FAXC: variants seen among roughly 807,000 people sequenced by gnomAD.
FAXC encodes failed axon connections homolog.
Under a neutral mutation model 41.9 loss-of-function variants are expected in FAXC, and 10 were observed. The ratio of observed to expected loss-of-function variants is 0.24; its 90% CI spans 0.15 to 0.41. The LOEUF (loss-of-function observed/expected upper bound fraction) is 0.41. Ranked by LOEUF, FAXC falls within the 10% of genes least tolerant of loss-of-function variation. FAXC has a pLI of 1.00. For synonymous variants in FAXC, 183 were observed against 183.8 expected, an observed-to-expected ratio of 1.00 and a Z score of 0.03; for missense variants, 399 against 510.9, an observed-to-expected ratio of 0.78 and a Z score of 2.11.
intron 5 of FAXC, among the ~76,000 whole-genome samples, chr6:99,286,709 A>G (rs939388293): frequency 1.3e-5 from 2 of 152,158 alleles, no homozygotes; most frequent in Admixed American, 6.5e-5. Context: ...AGCTCTCCAC[A>G]TCTGTTTTAA....
chr6:99,289,798 C>T (rs1771164024), intron 5 of FAXC, among the ~76,000 whole-genome samples: 2 of 151,654 alleles, frequency 1.3e-5, no homozygotes, highest in South Asian at 2.1e-4. Context: ...TTACCTTAAA[C>T]GTGCTCAGAA....
intron 4 of FAXC, among the ~76,000 whole-genome samples, chr6:99,307,478 C>CCATGACTGAGCTCAGT (rs1771971857): frequency 1.3e-5 from 2 of 152,066 alleles, no homozygotes; most frequent in African/African-American, 4.8e-5. Context: ...AGAGTGGCTT[C>CCATGACTGAGCTCAGT]CATGACTGAG....
intron 2 of FAXC, among the ~76,000 whole-genome samples, chr6:99,335,682 TC>T: frequency 6.6e-6 from 1 of 152,350 alleles, no homozygotes; most frequent in East Asian, 1.9e-4. Context: ...TCGCCATTGT[TC>T]CATCTGTGAT....
chr6:99,323,195 C>A (rs1305801646), intron 4 of FAXC, among the ~76,000 whole-genome samples: 1 of 152,192 alleles, frequency 6.6e-6, no homozygotes, highest in Non-Finnish European at 1.5e-5. Flanking sequence ...GGTGGTGAGG[C>A]TGAAGCATGT....
At chr6:99,334,340 T>G (rs1256125434) in intron 2 of FAXC, among the ~76,000 whole-genome samples, 1 of 152,220 alleles carries the variant, frequency 6.6e-6, no homozygotes, top group Non-Finnish European at 1.5e-5. Context: ...TTAGTCATAT[T>G]GCCTTTGTGC....
At chr6:99,305,644 A>C (rs2128454724) in intron 4 of FAXC, among the ~76,000 whole-genome samples, 1 of 151,272 alleles carries the variant, frequency 6.6e-6, no homozygotes, top group Admixed American at 6.6e-5. Flanking sequence ...ATATTGCTAT[A>C]TCACCATAGG....
intron 4 of FAXC, among the ~76,000 whole-genome samples, chr6:99,308,611 A>C (rs1471690171): frequency 7.3e-6 from 1 of 136,132 alleles, no homozygotes; most frequent in Non-Finnish European, 1.6e-5. Context: ...TCTATAATTC[A>C]AAAAAAAAAA....
At chr6:99,286,795 T>C (rs1313437069) in intron 5 of FAXC, among the ~76,000 whole-genome samples, 5 of 152,232 alleles carry the variant, frequency 3.3e-5, no homozygotes. Flanking sequence ...ACATTAGGAA[T>C]GTTGCTAATA....
intron 1 of FAXC, among the ~76,000 whole-genome samples, chr6:99,344,225 C>G (rs1189589388): frequency 6.6e-6 from 1 of 152,162 alleles, no homozygotes; most frequent in African/African-American, 2.4e-5. Context: ...TTATCCCCAT[C>G]CAAAGAGATA....
At chr6:99,294,977 G>A (rs1359066384) in intron 4 of FAXC, among the ~76,000 whole-genome samples, 1 of 152,218 alleles carries the variant, frequency 6.6e-6, no homozygotes, top group Non-Finnish European at 1.5e-5. Flanking sequence ...CTGACTTCTG[G>A]CCGATGCTCT....
intron 4 of FAXC, among the ~76,000 whole-genome samples, chr6:99,309,151 G>C (rs1030104583): frequency 6.6e-6 from 1 of 152,130 alleles, no homozygotes; most frequent in Admixed American, 6.5e-5. Flanking sequence ...ACACATAAGG[G>C]ATGTGTACTC....
intron 4 of FAXC, among the ~76,000 whole-genome samples, chr6:99,317,222 T>C (rs943107099): frequency 2.6e-5 from 4 of 152,148 alleles, no homozygotes; most frequent in African/African-American, 9.7e-5. Context: ...ACCACTTCGC[T>C]CTTTCAGAAG....
chr6:99,336,734 T>A (rs2128463741), intron 2 of FAXC, among the ~76,000 whole-genome samples: 1 of 152,252 alleles, frequency 6.6e-6, no homozygotes, highest in South Asian at 2.1e-4. Context: ...GACCTCAGTG[T>A]CCTCATCTGT....
At position 99,349,088 on chromosome 6, in the gene FAXC, G is replaced by A; in HGVS notation, c.266+19C>T. 6.2e-7 allele frequency: 1 copy of A among 1,611,776 alleles called. No individual in the cohort carries two copies. Among genetic ancestry groups the A allele is most frequent in the Non-Finnish European group, 8.5e-7 (1 of 1,179,198 alleles). ...TGCCCCTCTCTGCGCCCCTGTGCGG[G>A]GCCCTCTCTCCGGCTCACCTAATGA... On this transcript the variant is annotated intron_variant, in intron 1 of 5. Transcript: ENST00000389677.
At chr6:99,303,954 T>G (rs555764048) in intron 4 of FAXC, among the ~76,000 whole-genome samples, 2 of 152,182 alleles carry the variant, frequency 1.3e-5, no homozygotes, top group Non-Finnish European at 2.9e-5. Context: ...CCTGAGCTTT[T>G]ATTAAGAAAG....
chr6:99,316,166 C>A (rs966805802), intron 4 of FAXC, among the ~76,000 whole-genome samples: 2 of 134,998 alleles, frequency 1.5e-5, no homozygotes, highest in Admixed American at 7.2e-5. Context: ...CGCCCCCCCC[C>A]ACCCACAAGG....
At position 99,276,852 on chromosome 6, in the gene FAXC, T is replaced by C. The variant is rs941598345; in HGVS notation, c.*4312A>G. The C allele has an allele frequency of 2.6e-5, 4 of 152,186 alleles. No individual in the cohort carries two copies. The highest frequency in any genetic ancestry group is 5.9e-5 in the Non-Finnish European group (4 of 68,030). The allele number at this position is 152,186 out of a possible 1,614,324, so 9.4% of individuals were successfully genotyped here. A position where few individuals can be genotyped will look rare whatever the true frequency, so the allele number is the denominator to read the frequency against. On this transcript the variant is annotated 3_prime_UTR_variant, in exon 6 of 6. Coordinates refer to ENST00000389677, the MANE Select transcript of FAXC (RefSeq NM_032511.4). The stretch of plus-strand genomic sequence containing the variant: ...AACTTTCGTTGGATTATCAGTGGAG[T>C]TCCTGACAAACAAAAAGTGAAAATT...
At chr6:99,321,035 A>G (rs1326165156) in intron 4 of FAXC, among the ~76,000 whole-genome samples, 1 of 152,212 alleles carries the variant, frequency 6.6e-6, no homozygotes, top group African/African-American at 2.4e-5. Flanking sequence ...CTACACTTTA[A>G]TAAAGTAAAA....
At chr6:99,307,934 A>G (rs941218226) in intron 4 of FAXC, among the ~76,000 whole-genome samples, 2 of 152,082 alleles carry the variant, frequency 1.3e-5, no homozygotes, top group African/African-American at 2.4e-5. Context: ...ATGACATTTA[A>G]AAAAAAAACC....
Sources: gnomAD v4.1 joint callset for allele counts (sites outside exome capture counted in the v4.1 genomes callset) on GRCh38, gnomAD v4.1.1 for gene constraint, MANE v1.5 for transcripts, NCBI Gene and HGNC (gene_info 2026-07-23, HGNC 2026-07-21) for gene names.